VIPR2: variants seen among roughly 807,000 people sequenced by gnomAD.
The protein encoded by VIPR2 is vasoactive intestinal peptide receptor 2.
VIPR2 carries 48 observed loss-of-function variants against 58.0 expected under a neutral mutation model. The ratio of observed to expected loss-of-function variants is 0.83; its 90% CI spans 0.66 to 1.05. The LOEUF (loss-of-function observed/expected upper bound fraction) is 1.05. VIPR2 is among the 50% of genes least tolerant of loss of function. VIPR2 has a pLI of 0.00. For missense variants in VIPR2, 534 were observed against 558.0 expected, an observed-to-expected ratio of 0.96 and a Z score of 0.43; for synonymous variants, 243 against 235.2, an observed-to-expected ratio of 1.03 and a Z score of -0.30.
intron 4 of VIPR2, among the ~76,000 whole-genome samples, chr7:159,091,015 G>A (rs1363874512): frequency 6.6e-6 from 1 of 151,090 alleles, no homozygotes; most frequent in Admixed American, 6.6e-5. Flanking sequence ...CAGACACGCT[G>A]GGACCACGCA....
chr7:159,056,460 G>A (rs1035035883), intron 5 of VIPR2, among the ~76,000 whole-genome samples: 1 of 152,092 alleles, frequency 6.6e-6, no homozygotes, highest in African/African-American at 2.4e-5. Context: ...GTTGTCTGAG[G>A]AGCAACCGTG....
At chr7:159,064,069 C>T (rs989649661) in intron 4 of VIPR2, among the ~76,000 whole-genome samples, 56 of 151,892 alleles carry the variant, frequency 3.7e-4, no homozygotes, top group Non-Finnish European at 5.9e-5. Context: ...AGGCCTGGGG[C>T]GTTCACCAAG....
rs114545871 is a variant in VIPR2 at position 159,117,527 on chromosome 7, G to A, written c.152-7608C>T. Reference sequence around the variant, plus strand: ...GCTGACCTGAGTCATGGACACAGATGGGTGCAACTCCAGTTGTCACCTGCA... The same window carrying A: ...GCTGACCTGAGTCATGGACACAGATAGGTGCAACTCCAGTTGTCACCTGCA... On this transcript the variant is annotated intron_variant, in intron 2 of 12. Coordinates refer to ENST00000262178, the MANE Select transcript of VIPR2 (RefSeq NM_003382.5). The A allele has an allele frequency of 1.6e-3, 1,095 of 665,224 alleles. 6 individuals carry two copies. The African/African-American group carries it at 0.018, about 11-fold the overall frequency. 41.2% of individuals were successfully genotyped at this position (665,224 alleles called of 1,614,324 possible).
At chr7:159,123,939 A>G (rs1449029532) in intron 2 of VIPR2, among the ~76,000 whole-genome samples, 1 of 152,142 alleles carries the variant, frequency 6.6e-6, no homozygotes, top group South Asian at 2.1e-4. Flanking sequence ...TGTTGGTTGC[A>G]TGTATGTTTT....
chr7:159,138,084 G>A (rs3812312), intron 2 of VIPR2, among the ~76,000 whole-genome samples: 19,075 of 152,226 alleles, frequency 0.13, 1,260 homozygotes, highest in East Asian at 0.16. Context: ...CACGAACAGC[G>A]AGCTCCCACC....
chr7:159,142,329 T>G, intron 2 of VIPR2, 117 bp downstream of exon 2: 14 of 737,986 alleles, frequency 1.9e-5, no homozygotes, highest in East Asian at 2.6e-5. Context: ...GAAGTGGCCT[T>G]TCTTTTTCTT....
chr7:159,040,817 C>T (rs778792232), intron 6 of VIPR2, among the ~76,000 whole-genome samples: 2 of 152,302 alleles, frequency 1.3e-5, no homozygotes, highest in Middle Eastern at 3.4e-3. Context: ...TAGAGGACAG[C>T]GAGAGGGAAG....
intron 4 of VIPR2, among the ~76,000 whole-genome samples, chr7:159,103,083 C>T (rs983428342): frequency 2.0e-5 from 3 of 152,202 alleles, no homozygotes; most frequent in Admixed American, 1.3e-4. Context: ...TGGACCAGAG[C>T]AGAGCTTAAG....
rs1241643662 is a variant in VIPR2 at position 159,034,076 on chromosome 7, C to T, written c.971+137G>A. ...TCTGAGCCTTGGGCAGGAGCAGAGC[C>T]CTGGGGCCCAGCCTCGAGGTGTGAC... On this transcript the variant is annotated intron_variant, in intron 10 of 12. Transcript: ENST00000262178. The T allele has an allele frequency of 6.4e-6, 5 of 778,728 alleles. No individual in the cohort carries two copies. The African/African-American group carries it at 8.7e-5, about 14-fold the overall frequency. 48.2% of individuals were successfully genotyped at this position (778,728 alleles called of 1,614,324 possible).
At chr7:159,072,175 T>C (rs1856442611) in intron 4 of VIPR2, among the ~76,000 whole-genome samples, 1 of 143,476 alleles carries the variant, frequency 7.0e-6, no homozygotes, top group South Asian at 2.3e-4. Flanking sequence ...CCCACGTCTC[T>C]AGGCCGGGAA....
intron 2 of VIPR2, chr7:159,117,305 G>C: frequency 1.4e-6 from 1 of 717,466 alleles, no homozygotes; most frequent in East Asian, 2.7e-5. Flanking sequence ...CAATGATTTT[G>C]TAATTATAAA....
chr7:159,109,803 G>C lies in VIPR2; in HGVS notation c.259+9C>G. ...GGAGGAGCTCAGGAACTCAACCGACGGACAGTACCTGCTTTGCTGTAAAAA... is the reference window on the plus strand; with the variant it reads ...GGAGGAGCTCAGGAACTCAACCGACCGACAGTACCTGCTTTGCTGTAAAAA... On this transcript the variant is annotated intron_variant, in intron 3 of 12. Transcript: ENST00000262178. 6.2e-7 allele frequency: 1 copy of C among 1,613,710 alleles called. No homozygotes were observed. Among genetic ancestry groups the C allele is most frequent in the South Asian group, 1.1e-5 (1 of 91,070 alleles).
intron 3 of VIPR2, among the ~76,000 whole-genome samples, chr7:159,106,419 CAGAG>C (rs1006988885): frequency 6.7e-6 from 1 of 149,244 alleles, no homozygotes; most frequent in African/African-American, 2.5e-5. Flanking sequence ...CAGGGAGGGG[CAGAG>C]AGAGGCCAGG....
intron 1 of VIPR2, 26 bp from the exon 2 acceptor site, chr7:159,142,571 ATAAC>A: frequency 1.3e-6 from 2 of 1,539,440 alleles, no homozygotes; most frequent in South Asian, 2.3e-5. Flanking sequence ...AGAAATATTA[ATAAC>A]TAAAAATTCC....
At chr7:159,088,599 G>A (rs891058137) in intron 4 of VIPR2, among the ~76,000 whole-genome samples, 8 of 152,236 alleles carry the variant, frequency 5.3e-5, no homozygotes, top group East Asian at 3.9e-4. Flanking sequence ...ACATCACAGC[G>A]AGCAAGTGCA....
chr7:159,063,701 C>T (rs1404919087), intron 4 of VIPR2, among the ~76,000 whole-genome samples: 1 of 130,466 alleles, frequency 7.7e-6, no homozygotes, highest in Non-Finnish European at 1.6e-5. Context: ...GTCCAGGGGT[C>T]TTGGGGGGAT....
intron 3 of VIPR2, among the ~76,000 whole-genome samples, chr7:159,106,884 T>G (rs1259372879): frequency 1.5e-3 from 109 of 72,046 alleles, no homozygotes; most frequent in African/African-American, 2.0e-3. Context: ...ATCAGGGAGG[T>G]GCAGAAAGAG....
chr7:159,044,000 A>G (rs1378581716), intron 5 of VIPR2, among the ~76,000 whole-genome samples: 1 of 152,210 alleles, frequency 6.6e-6, no homozygotes, highest in African/African-American at 2.4e-5. Flanking sequence ...CAGGGCAGAA[A>G]GAATCAGAGA....
chr7:159,136,796 T>C (rs1797247509), intron 2 of VIPR2, among the ~76,000 whole-genome samples: 1 of 151,920 alleles, frequency 6.6e-6, no homozygotes, highest in South Asian at 2.1e-4. Context: ...AAATATAAAA[T>C]CATAAAAAAT....
Sources: allele counts gnomAD v4.1 joint callset (sites outside exome capture counted in the v4.1 genomes callset), GRCh38; gene constraint gnomAD v4.1.1; transcripts MANE v1.5; gene names NCBI Gene and HGNC (gene_info 2026-07-23, HGNC 2026-07-21).